TSKS: variants seen among roughly 807,000 people sequenced by gnomAD.
TSKS encodes the protein testis-specific serine kinase substrate.
A neutral mutation model predicts 68.0 loss-of-function variants in TSKS; 27 were observed. The ratio of observed to expected loss-of-function variants is 0.40; its 90% CI spans 0.29 to 0.55. TSKS has a LOEUF of 0.55. Among genes scored for constraint, TSKS ranks in the 20% least tolerant of loss-of-function variants. The probability of loss-of-function intolerance (pLI) is 0.53; values close to 1 mark genes in which losing one functional copy is unlikely to be tolerated. For synonymous variants in TSKS, 331 were observed against 340.4 expected, an observed-to-expected ratio of 0.97 and a Z score of 0.30; for missense variants, 806 against 776.0, an observed-to-expected ratio of 1.04 and a Z score of -0.46.
chr19:49,744,639 G>A (rs1456998757), intron 7 of TSKS, among the ~76,000 whole-genome samples: 1 of 152,038 alleles, frequency 6.6e-6, no homozygotes, highest in African/African-American at 2.4e-5. Context: ...CTGGAGTGCA[G>A]CAGCACCATC....
Position 49,746,493 on chromosome 19 carries a change from C to G in TSKS, c.969G>C (p.Leu323=). ...ACCTCAGCTCTTCGATGCCGGTGAA[C>G]AGCTTCTGCAATTCCTGCTCGCTCA... The part of the protein sequence containing the change: ...PYVSEQELQK[L]FTGIEELRRE... Residue 323 remains leucine, a synonymous_variant, in exon 6 of 11, where the codon CTG becomes CTC. Coordinates refer to ENST00000246801, the MANE Select transcript of TSKS (RefSeq NM_021733.2). The G allele has an allele frequency of 1.2e-6, 2 of 1,613,992 alleles. No individual in the cohort carries two copies. Among genetic ancestry groups the G allele is most frequent in the Non-Finnish European group, 1.7e-6 (2 of 1,179,946 alleles).
At position 49,763,265 on chromosome 19, in the gene TSKS, C is replaced by G. The variant is rs2084459883; in HGVS notation, c.-18G>C. The G allele has an allele frequency of 2.7e-6, 4 of 1,475,368 alleles. No homozygotes were observed. Among genetic ancestry groups the G allele is most frequent in the Non-Finnish European group, 3.6e-6 (4 of 1,115,706 alleles). The allele number at this position is 1,475,368 out of a possible 1,614,324, so 91.4% of individuals were successfully genotyped here. Reference sequence around the variant, plus strand: ...CTCGCCATGGTGTGGGGGTCTGGCTCCCAGGGAGGGGCTCCTTCCTCTGAG... The same window carrying G: ...CTCGCCATGGTGTGGGGGTCTGGCTGCCAGGGAGGGGCTCCTTCCTCTGAG... On this transcript the variant is annotated 5_prime_UTR_variant, in exon 1 of 11. Coordinates refer to ENST00000246801, the MANE Select transcript of TSKS (RefSeq NM_021733.2). This position sits in a 1 kb window ranked among gnomAD's most constrained non-coding sequence, Gnocchi z 4.5.
intron 2 of TSKS, among the ~76,000 whole-genome samples, chr19:49,751,282 C>T (rs1379761493): frequency 8.3e-6 from 1 of 119,862 alleles, no homozygotes; most frequent in African/African-American, 3.3e-5. Context: ...CCAGCCTGGG[C>T]GACAACGAGA....
intron 2 of TSKS, among the ~76,000 whole-genome samples, chr19:49,756,911 T>C (rs2084396951): frequency 6.6e-6 from 1 of 151,886 alleles, no homozygotes. Flanking sequence ...AATACAAAAA[T>C]TAGCTGGGCA....
At chr19:49,755,757 C>T (rs1022987293) in intron 2 of TSKS, among the ~76,000 whole-genome samples, 1 of 152,128 alleles carries the variant, frequency 6.6e-6, no homozygotes, top group African/African-American at 2.4e-5. Context: ...AATCCCAGCA[C>T]TTTGGGAGGC....
intron 2 of TSKS, among the ~76,000 whole-genome samples, chr19:49,761,609 G>A (rs956013410): frequency 1.3e-5 from 2 of 152,176 alleles, no homozygotes; most frequent in African/African-American, 4.8e-5. Context: ...CAAGCACAGG[G>A]ATCTGGCCTG....
intron 2 of TSKS, among the ~76,000 whole-genome samples, chr19:49,761,773 G>A (rs1010369383): frequency 1.7e-4 from 26 of 151,998 alleles, no homozygotes; most frequent in African/African-American, 5.6e-4. Context: ...AGACCATCTT[G>A]GGCAACACAG....
At chr19:49,752,238 G>A (rs530530068) in intron 2 of TSKS, among the ~76,000 whole-genome samples, 57 of 152,038 alleles carry the variant, frequency 3.7e-4, no homozygotes, top group African/African-American at 1.2e-3. Context: ...ACAAAAATTC[G>A]CCAGGAATAG....
intron 2 of TSKS, 84 bp from the exon 3 acceptor site, chr19:49,748,553 T>C (rs1192273962): frequency 2.0e-5 from 26 of 1,327,168 alleles, no homozygotes; most frequent in Non-Finnish European, 2.8e-5. Context: ...ACTGGGAGGC[T>C]GTGTTTACAC....
At chr19:49,762,630 T>C (rs2084453060) in intron 1 of TSKS, among the ~76,000 whole-genome samples, 1 of 152,112 alleles carries the variant, frequency 6.6e-6, no homozygotes, top group Non-Finnish European at 1.5e-5. Flanking sequence ...CTTTTCACCA[T>C]GTTGGCCAAG....
At chr19:49,747,133 A>G in intron 5 of TSKS, 1 of 1,531,794 alleles carries the variant, frequency 6.5e-7, no homozygotes, top group Non-Finnish European at 8.7e-7. Flanking sequence ...TGTGGACAGG[A>G]CGGGCCTTCT....
intron 5 of TSKS, 115 bp downstream of exon 5, chr19:49,747,274 A>G: frequency 6.3e-7 from 1 of 1,594,610 alleles, no homozygotes; most frequent in Non-Finnish European, 8.5e-7. Flanking sequence ...TATGTGCACG[A>G]AGGTGCAGTG....
At chr19:49,752,399 A>C (rs974139887) in intron 2 of TSKS, among the ~76,000 whole-genome samples, 55 of 151,984 alleles carry the variant, frequency 3.6e-4, no homozygotes, top group Admixed American at 7.9e-4. Flanking sequence ...AAAAAAAAAA[A>C]AAAACTTGTG....
chr19:49,743,493 CTTTTT>C (rs761657800), intron 8 of TSKS, among the ~76,000 whole-genome samples: 2 of 103,892 alleles, frequency 1.9e-5, no homozygotes, highest in African/African-American at 3.8e-5. Context: ...AAGTGAATTT[CTTTTT>C]TTTTTTTTTT....
chr19:49,757,723 G>C (rs147359926), intron 2 of TSKS, among the ~76,000 whole-genome samples: 1 of 150,800 alleles, frequency 6.6e-6, no homozygotes, highest in Non-Finnish European at 1.5e-5. Flanking sequence ...CCAGTTCTCT[G>C]TCCCCACCCA....
chr19:49,758,594 A>G (rs1271320878), intron 2 of TSKS, among the ~76,000 whole-genome samples: 1 of 152,130 alleles, frequency 6.6e-6, no homozygotes, highest in African/African-American at 2.4e-5. Context: ...GATGTCTCCC[A>G]GACATCCTTC....
In TSKS at chr19:49,746,675, T is replaced by C. The variant is rs1055437553; in HGVS notation, c.787A>G (p.Lys263Glu). 3.2e-5 allele frequency: 51 copies of C among 1,601,870 alleles called. No individual in the cohort carries two copies. The highest frequency in any genetic ancestry group is 4.0e-5 in the Non-Finnish European group (47 of 1,177,628). ...TTCCAGGAGAGGCCAGCCTCCGGCT[T>C]CTGCTTCTCCTCCGGCTCCTGCTTC... is the stretch of plus-strand genomic sequence containing the variant. ...EEKQEPEEKQ[K>E]PEAGLSWNSL... The change falls in exon 6 of 11, where the codon AAG (lysine) becomes GAG (glutamate). Residue 263 changes from lysine to glutamate, a missense_variant. Transcript: ENST00000246801.
chr19:49,758,401 C>T (rs997357893), intron 2 of TSKS, among the ~76,000 whole-genome samples: 1 of 152,198 alleles, frequency 6.6e-6, no homozygotes, highest in Non-Finnish European at 1.5e-5. Flanking sequence ...CCCCTGCAGC[C>T]CCACAGCGAG....
At chr19:49,745,151 G>C in intron 7 of TSKS, 51 bp downstream of exon 7, 1 of 1,484,482 alleles carries the variant, frequency 6.7e-7, no homozygotes, top group Non-Finnish European at 9.0e-7. Flanking sequence ...CCCTCAGGTT[G>C]GGATTGCCCT....
Sources: allele counts gnomAD v4.1 joint callset (sites outside exome capture counted in the v4.1 genomes callset), GRCh38; gene constraint gnomAD v4.1.1; non-coding constraint Gnocchi (gnomAD v3.1); transcripts MANE v1.5; gene names NCBI Gene and HGNC (gene_info 2026-07-23, HGNC 2026-07-21).